MTUS2: variants seen among roughly 807,000 people sequenced by gnomAD.
The protein encoded by MTUS2 is microtubule associated scaffold protein 2.
MTUS2 carries 40 observed loss-of-function variants against 114.1 expected under a neutral mutation model. That is an observed-to-expected ratio of 0.35 (90% CI 0.27 to 0.46). MTUS2 has a LOEUF of 0.46. Among genes scored for constraint, MTUS2 ranks in the 20% least tolerant of loss-of-function variants. MTUS2 has a pLI of 1.00. For synonymous variants in MTUS2, 688 were observed against 672.0 expected (o/e 1.02, Z -0.37); for missense variants, 1,679 against 1,705.4 (o/e 0.98, Z 0.27).
At chr13:28,874,673 A>G (rs1877828361) in intron 2 of MTUS2, among the ~76,000 whole-genome samples, 1 of 152,180 alleles carries the variant, frequency 6.6e-6, no homozygotes, top group Admixed American at 6.5e-5. Flanking sequence ...AGAAGCTGCA[A>G]TGACGTAACA....
chr13:28,935,709 T>C (rs553053013), intron 2 of MTUS2, among the ~76,000 whole-genome samples: 1 of 152,122 alleles, frequency 6.6e-6, no homozygotes, highest in Non-Finnish European at 1.5e-5. Context: ...AATGCAATTA[T>C]AAACATTTTA....
intron 4 of MTUS2, among the ~76,000 whole-genome samples, chr13:29,086,616 G>A (rs1889703483): frequency 6.6e-6 from 1 of 151,972 alleles, no homozygotes; most frequent in Non-Finnish European, 1.5e-5. Flanking sequence ...GCTCTTTTTT[G>A]GTTCCATATG....
At chr13:28,844,766 G>C (rs955764299) in intron 2 of MTUS2, among the ~76,000 whole-genome samples, 1 of 152,008 alleles carries the variant, frequency 6.6e-6, no homozygotes, top group Admixed American at 6.6e-5. Flanking sequence ...ACAGGCGCAC[G>C]CCACCACACC....
intron 5 of MTUS2, among the ~76,000 whole-genome samples, chr13:29,123,967 C>G (rs112294345): frequency 2.6e-5 from 4 of 152,172 alleles, no homozygotes; most frequent in Non-Finnish European, 5.9e-5. Flanking sequence ...TTGCTTAGGT[C>G]AACACACCAT....
intron 5 of MTUS2, among the ~76,000 whole-genome samples, chr13:29,208,867 A>C (rs892599951): frequency 6.6e-6 from 1 of 152,098 alleles, no homozygotes; most frequent in Admixed American, 6.5e-5. Context: ...TCTATCTTGG[A>C]GAATGTTCCA....
At chr13:29,333,501 G>T (rs1900899010) in intron 7 of MTUS2, among the ~76,000 whole-genome samples, 1 of 152,186 alleles carries the variant, frequency 6.6e-6, no homozygotes, top group African/African-American at 2.4e-5. Flanking sequence ...CCGGCCTTGA[G>T]TGAGTTTCAT....
chr13:29,039,114 TC>T (rs569041518), intron 4 of MTUS2, among the ~76,000 whole-genome samples: 4 of 152,178 alleles, frequency 2.6e-5, no homozygotes, highest in Non-Finnish European at 4.4e-5. Flanking sequence ...ACCCAGTGCT[TC>T]CCATTGACAT....
chr13:29,271,239 G>A (rs897084832), intron 5 of MTUS2, among the ~76,000 whole-genome samples: 4 of 152,184 alleles, frequency 2.6e-5, no homozygotes, highest in African/African-American at 7.2e-5. Flanking sequence ...GGCCTAACTT[G>A]TACTTTCTGT....
At chr13:29,183,672 G>A (rs1010004743) in intron 5 of MTUS2, among the ~76,000 whole-genome samples, 2 of 152,064 alleles carry the variant, frequency 1.3e-5, no homozygotes, top group African/African-American at 2.4e-5. Context: ...AAAAGCAAAG[G>A]ACACCAAAAA....
rs1289540084 is a variant in MTUS2 at position 29,138,328 on chromosome 13, CAATGTAATT to C, written c.2644+37359_2644+37367del. Among the ~76,000 whole-genome samples the C allele has an allele frequency of 4.6e-5, 7 of 152,032 alleles. No homozygotes were observed. In the East Asian group the frequency reaches 1.2e-3, roughly 25 times the overall value. On this transcript the variant is annotated intron_variant, in intron 5 of 15. Coordinates refer to ENST00000612955, the MANE Select transcript of MTUS2 (RefSeq NM_001033602.4). ...AACAGTTACATCAGACAGATTCTGC[CAATGTAATT>C]GTTGTCTGGGTGGGGAGGCAGATTT...
rs546749468 is a variant in MTUS2, at chr13:29,095,891, T to C, written c.2447-4882T>C. On this transcript the variant is annotated intron_variant, in intron 4 of 15. Transcript: ENST00000612955. ...TGTCGTCATAGCTCCTTTACTTCTT[T>C]AAGCATAGTTTCCTTAGTTATTTTA... Among the ~76,000 whole-genome samples, 11 of 152,212 alleles carry C rather than the reference T, an allele frequency of 7.2e-5. No individual in the cohort carries two copies. The South Asian group carries it at 2.3e-3, about 32-fold the overall frequency.
chr13:29,316,114 G>GAAT (rs1370391539), intron 6 of MTUS2, among the ~76,000 whole-genome samples: 1 of 152,162 alleles, frequency 6.6e-6, no homozygotes, highest in Non-Finnish European at 1.5e-5. Context: ...CATGCTGTAA[G>GAAT]AATAGTGTTC....
intron 5 of MTUS2, among the ~76,000 whole-genome samples, chr13:29,204,171 G>T (rs1298453922): frequency 6.6e-6 from 1 of 151,992 alleles, no homozygotes; most frequent in African/African-American, 2.4e-5. Flanking sequence ...TATTGGCCAG[G>T]CTGGTCTCAA....
At chr13:29,358,266 C>T (rs1247104745) in intron 7 of MTUS2, among the ~76,000 whole-genome samples, 2 of 152,178 alleles carry the variant, frequency 1.3e-5, no homozygotes, top group African/African-American at 4.8e-5. Flanking sequence ...TGCCCATGCA[C>T]GGGTCTTGGA....
intron 2 of MTUS2, among the ~76,000 whole-genome samples, chr13:28,894,380 C>T (rs186626300): frequency 8.7e-4 from 127 of 145,856 alleles, no homozygotes; most frequent in Non-Finnish European, 1.9e-4. Flanking sequence ...GAGAACAGAG[C>T]TCACTGTCTC....
At chr13:29,165,480 C>A (rs1893279370) in intron 5 of MTUS2, among the ~76,000 whole-genome samples, 1 of 152,140 alleles carries the variant, frequency 6.6e-6, no homozygotes, top group Non-Finnish European at 1.5e-5. Flanking sequence ...GGACTTAAGC[C>A]CAGTTTTGCT....
chr13:29,066,862 G>A (rs967569463), intron 4 of MTUS2, among the ~76,000 whole-genome samples: 3 of 152,360 alleles, frequency 2.0e-5, no homozygotes, highest in South Asian at 4.1e-4. Flanking sequence ...CTAGGCTTGG[G>A]CAGAGATGTG....
At chr13:29,333,437 T>C (rs1900895151) in intron 7 of MTUS2, among the ~76,000 whole-genome samples, 1 of 152,156 alleles carries the variant, frequency 6.6e-6, no homozygotes, top group African/African-American at 2.4e-5. Flanking sequence ...CCTCAGGTGA[T>C]CCGCATGCCT....
intron 2 of MTUS2, among the ~76,000 whole-genome samples, chr13:28,996,913 G>GA (rs1885139944): frequency 1.3e-5 from 2 of 152,050 alleles, no homozygotes; most frequent in Non-Finnish European, 2.9e-5. Flanking sequence ...GTTCTGCTCT[G>GA]ATCTTAGTTA....
Sources: allele counts gnomAD v4.1 joint callset (sites outside exome capture counted in the v4.1 genomes callset), GRCh38; gene constraint gnomAD v4.1.1; transcripts MANE v1.5; gene names NCBI Gene and HGNC (gene_info 2026-07-23, HGNC 2026-07-21).